Variants in CACNA2D3 observed in about 807,000 individuals in gnomAD.
CACNA2D3 encodes calcium voltage-gated channel auxiliary subunit alpha2delta 3.
A neutral mutation model predicts 160.6 loss-of-function variants in CACNA2D3; 60 were observed. The observed-to-expected ratio is 0.37, with a 90% confidence interval of 0.30 to 0.46. The LOEUF is 0.46. Among genes scored for constraint, CACNA2D3 ranks in the 20% least tolerant of loss-of-function variants. CACNA2D3 has a pLI of 1.00. For missense variants in CACNA2D3, 1,205 were observed against 1,365.0 expected (o/e 0.88, Z 1.85); for synonymous variants, 558 against 492.9 (o/e 1.13, Z -1.75).
chr3:54,971,959 G>C (rs1024496709), intron 29 of CACNA2D3, among the ~76,000 whole-genome samples: 2 of 152,082 alleles, frequency 1.3e-5, no homozygotes, highest in Non-Finnish European at 2.9e-5. Context: ...TGCATGGTAT[G>C]GCTCCTGGAA....
intron 2 of CACNA2D3, among the ~76,000 whole-genome samples, chr3:54,273,556 T>C (rs905654980): frequency 6.6e-6 from 1 of 152,204 alleles, no homozygotes; most frequent in African/African-American, 2.4e-5. Flanking sequence ...GTTTCCCCTT[T>C]GGTGTGATTC....
At chr3:54,736,819 G>A (rs1215533649) in intron 11 of CACNA2D3, among the ~76,000 whole-genome samples, 1 of 152,160 alleles carries the variant, frequency 6.6e-6, no homozygotes, top group Non-Finnish European at 1.5e-5. Flanking sequence ...AAAAGGTCCA[G>A]TAGCTATCAT....
chr3:54,389,534 T>C (rs1699245225), intron 4 of CACNA2D3, among the ~76,000 whole-genome samples: 1 of 152,198 alleles, frequency 6.6e-6, no homozygotes, highest in African/African-American at 2.4e-5. Flanking sequence ...AGAAACCTGA[T>C]AGACACCACC....
intron 27 of CACNA2D3, among the ~76,000 whole-genome samples, chr3:54,929,127 G>T (rs1701114080): frequency 6.6e-6 from 1 of 152,192 alleles, no homozygotes; most frequent in African/African-American, 2.4e-5. Flanking sequence ...GGTGGGTCCA[G>T]AGTCGATATT....
intron 2 of CACNA2D3, among the ~76,000 whole-genome samples, chr3:54,185,688 T>A (rs1700868872): frequency 6.6e-6 from 1 of 152,188 alleles, no homozygotes; most frequent in Non-Finnish European, 1.5e-5. Context: ...CTGCTGTTGT[T>A]GTGTGAAAGC....
chr3:54,623,221 T>C (rs1699028803), intron 9 of CACNA2D3, among the ~76,000 whole-genome samples: 1 of 152,194 alleles, frequency 6.6e-6, no homozygotes, highest in Non-Finnish European at 1.5e-5. Context: ...GGCTCCTCCA[T>C]GTGGGCTTTG....
chr3:54,796,157 T>G (rs1702861881), intron 13 of CACNA2D3, among the ~76,000 whole-genome samples: 1 of 151,942 alleles, frequency 6.6e-6, no homozygotes, highest in South Asian at 2.1e-4. Flanking sequence ...TACCTTGTAT[T>G]CCCTTCATTA....
chr3:54,884,957 G>A (rs1013528673), intron 21 of CACNA2D3, among the ~76,000 whole-genome samples: 1 of 152,160 alleles, frequency 6.6e-6, no homozygotes, highest in Non-Finnish European at 1.5e-5. Context: ...GCACCAGAGA[G>A]AGTGTTTCTA....
chr3:54,745,158 G>A (rs1306481451), intron 11 of CACNA2D3, among the ~76,000 whole-genome samples: 2 of 152,084 alleles, frequency 1.3e-5, no homozygotes, highest in Non-Finnish European at 2.9e-5. Context: ...CAAGATGAGT[G>A]GGCAGAGAGA....
chr3:54,567,951 T>C (rs992537377), intron 6 of CACNA2D3, among the ~76,000 whole-genome samples: 10 of 152,196 alleles, frequency 6.6e-5, no homozygotes, highest in Non-Finnish European at 2.9e-5. Flanking sequence ...AAGGAGAACA[T>C]GGAGCAGAAA....
At position 54,879,420 on chromosome 3, in the gene CACNA2D3, G is replaced by A. The variant is rs770697225; in HGVS notation, c.1844+9G>A. The A allele has an allele frequency of 1.3e-6, 2 of 1,591,100 alleles. No homozygotes were observed. The highest frequency in any genetic ancestry group is 1.7e-6 in the Non-Finnish European group (2 of 1,162,228). On this transcript the variant is annotated intron_variant, in intron 20 of 37. Coordinates refer to ENST00000474759, the MANE Select transcript of CACNA2D3 (RefSeq NM_018398.3). ...AAGGGTACTCCTTTCAGGTAGAGCTGACCATAATACATGGACATTCCATCA... is the reference window on the plus strand; with the variant it reads ...AAGGGTACTCCTTTCAGGTAGAGCTAACCATAATACATGGACATTCCATCA...
intron 3 of CACNA2D3, among the ~76,000 whole-genome samples, chr3:54,354,475 A>C (rs1425052365): frequency 6.6e-6 from 1 of 152,118 alleles, no homozygotes; most frequent in African/African-American, 2.4e-5. Context: ...AAAAAATGAC[A>C]AACAGTGCTG....
chr3:54,211,383 G>A (rs978607485), intron 2 of CACNA2D3, among the ~76,000 whole-genome samples: 2 of 152,156 alleles, frequency 1.3e-5, no homozygotes, highest in African/African-American at 4.8e-5. Flanking sequence ...CTTATCCACA[G>A]TGCCGCCATG....
intron 13 of CACNA2D3, among the ~76,000 whole-genome samples, chr3:54,783,858 T>G (rs1251765655): frequency 6.6e-6 from 1 of 152,188 alleles, no homozygotes; most frequent in Non-Finnish European, 1.5e-5. Flanking sequence ...AACAATTCTA[T>G]TTGATGGGCT....
At chr3:54,334,729 A>C (rs965517789) in intron 3 of CACNA2D3, among the ~76,000 whole-genome samples, 4 of 152,204 alleles carry the variant, frequency 2.6e-5, no homozygotes, top group Non-Finnish European at 5.9e-5. Flanking sequence ...ATGAGGATCA[A>C]ATGAGCAAAC....
At chr3:54,642,453 A>G (rs1038528910) in intron 11 of CACNA2D3, among the ~76,000 whole-genome samples, 1 of 152,216 alleles carries the variant, frequency 6.6e-6, no homozygotes, top group Non-Finnish European at 1.5e-5. Flanking sequence ...AAACTTGTAA[A>G]GACATAGTGG....
intron 9 of CACNA2D3, among the ~76,000 whole-genome samples, chr3:54,595,337 T>G (rs1037081929): frequency 3.3e-5 from 5 of 151,852 alleles, no homozygotes; most frequent in Admixed American, 6.6e-5. Context: ...TGTGTGTGTG[T>G]GTGTGTGTGT....
intron 13 of CACNA2D3, among the ~76,000 whole-genome samples, chr3:54,797,756 A>C (rs965523054): frequency 6.6e-6 from 1 of 152,180 alleles, no homozygotes. Context: ...TCATTCTCTC[A>C]GTGACTCCCT....
rs1263004175 is a variant in CACNA2D3 at position 54,764,303 on chromosome 3, C to T, written c.1332C>T (p.Ile444=). ...ACGTGCTTAGCCGGCCCAAAGTCAT[C>T]GACCAGGAGCATGATGTGGTGTGGA... ...YLHVLSRPKV[I]DQEHDVVWTE... is the part of the protein sequence containing the mutation. The change falls in exon 13 of 38, where the codon ATC becomes ATT. Residue 444 remains isoleucine (I), a synonymous_variant. Coordinates refer to ENST00000474759, the MANE Select transcript of CACNA2D3 (RefSeq NM_018398.3). The T allele has an allele frequency of 6.2e-6, 10 of 1,613,690 alleles. No homozygotes were observed. Among genetic ancestry groups the T allele is most frequent in the South Asian group, 3.3e-5 (3 of 91,068 alleles).
Sources: allele counts gnomAD v4.1 joint callset (sites outside exome capture counted in the v4.1 genomes callset), GRCh38; gene constraint gnomAD v4.1.1; transcripts MANE v1.5; gene names NCBI Gene and HGNC (gene_info 2026-07-23, HGNC 2026-07-21).